ARHGAP12: variants seen among roughly 807,000 people sequenced by gnomAD.
ARHGAP12 encodes rho GTPase-activating protein 12.
A neutral mutation model predicts 108.6 loss-of-function variants in ARHGAP12; 64 were observed. The ratio of observed to expected loss-of-function variants is 0.59; its 90% CI spans 0.48 to 0.73. The LOEUF is 0.73. Among genes scored for constraint, ARHGAP12 ranks in the 30% least tolerant of loss-of-function variants. ARHGAP12 has a pLI of 0.00. For synonymous variants in ARHGAP12, 312 were observed against 337.2 expected, an observed-to-expected ratio of 0.93 and a Z score of 0.82; for missense variants, 940 against 1,005.9, an observed-to-expected ratio of 0.93 and a Z score of 0.89.
chr10:31,808,585 C>A (rs1834904725), intron 19 of ARHGAP12, 64 bp downstream of exon 19: 1 of 1,434,480 alleles, frequency 7.0e-7, no homozygotes. Flanking sequence ...GTGACCCTGG[C>A]CCCACAGGCC....
At chr10:31,810,831 A>T in intron 15 of ARHGAP12, 84 bp from the exon 16 acceptor site, 2 of 1,005,402 alleles carry the variant, frequency 2.0e-6, no homozygotes, top group South Asian at 2.7e-5. Flanking sequence ...GTGCAACAGA[A>T]ACATCCAGCG....
intron 1 of ARHGAP12, among the ~76,000 whole-genome samples, chr10:31,914,371 A>C (rs1839473037): frequency 6.6e-6 from 1 of 152,124 alleles, no homozygotes; most frequent in African/African-American, 2.4e-5. Context: ...ATCTAGCTTC[A>C]TTCCTCTGCA....
At chr10:31,879,321 A>C (rs1238128693) in intron 3 of ARHGAP12, among the ~76,000 whole-genome samples, 1 of 152,178 alleles carries the variant, frequency 6.6e-6, no homozygotes, top group Non-Finnish European at 1.5e-5. Flanking sequence ...CTGAGGCTGG[A>C]GGATTGCTTG....
At chr10:31,824,608 T>C (rs1835537601) in intron 11 of ARHGAP12, among the ~76,000 whole-genome samples, 1 of 152,164 alleles carries the variant, frequency 6.6e-6, no homozygotes, top group African/African-American at 2.4e-5. Context: ...TTTTAAAAAA[T>C]GTAACCATCC....
intron 3 of ARHGAP12, among the ~76,000 whole-genome samples, chr10:31,884,878 CCAT>C (rs367809426): frequency 1.3e-5 from 2 of 152,102 alleles, no homozygotes; most frequent in East Asian, 1.9e-4. Context: ...AAAAAACTCA[CCAT>C]GTCATTTCTT....
At chr10:31,833,686 G>A (rs1464772583) in intron 9 of ARHGAP12, among the ~76,000 whole-genome samples, 1 of 152,192 alleles carries the variant, frequency 6.6e-6, no homozygotes, top group Admixed American at 6.5e-5. Context: ...TACATGCTAT[G>A]AGAAAGCTAT....
intron 4 of ARHGAP12, among the ~76,000 whole-genome samples, chr10:31,855,022 G>A (rs1241032542): frequency 8.1e-6 from 1 of 123,208 alleles, no homozygotes; most frequent in African/African-American, 3.1e-5. Flanking sequence ...GAGGAGGATG[G>A]GGAGGAGGAG....
Position 31,839,633 on chromosome 10 carries a change from T to A in ARHGAP12, c.1371+4A>T. 1 of 1,598,014 alleles carries A rather than the reference T, an allele frequency of 6.3e-7. No homozygotes were observed. Among genetic ancestry groups the A allele is most frequent in the Non-Finnish European group, 8.6e-7 (1 of 1,168,262 alleles). On this transcript the variant is annotated splice_donor_region_variant and intron_variant, in intron 8 of 19. Coordinates refer to ENST00000344936, the MANE Select transcript of ARHGAP12 (RefSeq NM_018287.7). ...ATTATAAGATATGCTTCTATCATACTAACTGTATCTTGGTGCTTTGGTGAG... is the reference window on the plus strand; with the variant it reads ...ATTATAAGATATGCTTCTATCATACAAACTGTATCTTGGTGCTTTGGTGAG...
intron 3 of ARHGAP12, among the ~76,000 whole-genome samples, chr10:31,878,667 G>C (rs1305006478): frequency 6.6e-6 from 1 of 152,180 alleles, no homozygotes; most frequent in Non-Finnish European, 1.5e-5. Context: ...ATAAAGTTTT[G>C]TTGAAACAAA....
chr10:31,831,494 T>A (rs979186404), intron 10 of ARHGAP12, among the ~76,000 whole-genome samples: 2 of 151,748 alleles, frequency 1.3e-5, no homozygotes, highest in African/African-American at 4.8e-5. Flanking sequence ...AAAAAAAATA[T>A]TAAAGCAAAT....
rs1472309389 is a variant in ARHGAP12, at chr10:31,905,022, G to A, written c.684+3150C>T. Among the ~76,000 whole-genome samples, 8 of 152,158 alleles carry A rather than the reference G, an allele frequency of 5.3e-5. No individual in the cohort carries two copies. The South Asian group carries it at 6.2e-4, about 12-fold the overall frequency. On this transcript the variant is annotated intron_variant, in intron 3 of 19. Transcript: ENST00000344936. ...ACTGATCAGTAGTGATGTAAGTCAG[G>A]AAAATGAAAACCTCCTAAGACAGAC...
intron 6 of ARHGAP12, 152 bp downstream of exon 6, chr10:31,852,365 A>G: frequency 1.5e-6 from 1 of 655,718 alleles, no homozygotes; most frequent in Non-Finnish European, 2.7e-6. Context: ...TAGAAAACTT[A>G]CACTACTCAC....
At chr10:31,899,052 G>A (rs946590965) in intron 3 of ARHGAP12, among the ~76,000 whole-genome samples, 1 of 152,160 alleles carries the variant, frequency 6.6e-6, no homozygotes, top group Non-Finnish European at 1.5e-5. Flanking sequence ...ATTTAGTCAA[G>A]TGCAAGAAAG....
intron 9 of ARHGAP12, among the ~76,000 whole-genome samples, chr10:31,834,016 C>A (rs1231526189): frequency 2.6e-5 from 4 of 152,110 alleles, no homozygotes; most frequent in Non-Finnish European, 5.9e-5. Flanking sequence ...GTGGCAGTGA[C>A]AGAGAAAAGG....
rs543866694 is a variant in ARHGAP12 at position 31,814,314 on chromosome 10, T to G, written c.1779A>C (p.Pro593=). Residue 593 remains proline (P), a synonymous_variant, in exon 14 of 20, where the codon CCA becomes CCC. Coordinates refer to ENST00000344936, the MANE Select transcript of ARHGAP12 (RefSeq NM_018287.7). ...TTTCTTTATCATGCTTTTCTATTCC[T>G]GGTGAATCCGGTATCTCCTCTTCAA... The part of the protein sequence containing the change: ...EGIEEEIPDS[P]GIEKHDKEKE... The G allele has an allele frequency of 9.4e-5, 151 of 1,614,138 alleles. No homozygotes were observed. The East Asian group carries it at 3.3e-3, about 35-fold the overall frequency.
chr10:31,812,920 G>C (rs1835074864), intron 14 of ARHGAP12, 97 bp from the exon 15 acceptor site: 1 of 623,314 alleles, frequency 1.6e-6, no homozygotes, highest in Middle Eastern at 4.1e-4. Flanking sequence ...AACCTCATAT[G>C]TCAAGATCAT....
At chr10:31,827,291 C>G (rs1835652011) in intron 10 of ARHGAP12, among the ~76,000 whole-genome samples, 1 of 152,092 alleles carries the variant, frequency 6.6e-6, no homozygotes, top group Admixed American at 6.6e-5. Flanking sequence ...AAAAACAAAA[C>G]AGTTTTTATT....
chr10:31,845,770 G>A (rs543116198), intron 6 of ARHGAP12, among the ~76,000 whole-genome samples: 2 of 152,204 alleles, frequency 1.3e-5, no homozygotes, highest in African/African-American at 2.4e-5. Flanking sequence ...GGGCGACAGA[G>A]TGATAGTCTG....
Position 31,839,313 on chromosome 10 carries a change from T to C in ARHGAP12, c.1378A>G (p.Ser460Gly). The C allele has an allele frequency of 6.2e-7, 1 of 1,611,000 alleles. No individual in the cohort carries two copies. Among genetic ancestry groups the C allele is most frequent in the Non-Finnish European group, 8.5e-7 (1 of 1,177,972 alleles). ...SSPKHQDTAS[S>G]PKDQEKYGLL... ...AGAGGATTGCTTCTTACCTTTGGACTGCTGGCCTGAGGAAAAAAAGAGTAA... is the reference window on the plus strand; with the variant it reads ...AGAGGATTGCTTCTTACCTTTGGACCGCTGGCCTGAGGAAAAAAAGAGTAA... Residue 460 changes from serine to glycine, a missense_variant, in exon 9 of 20, where the codon AGT (serine) becomes GGT (glycine). Transcript: ENST00000344936.
Sources: gnomAD v4.1 joint callset for allele counts (sites outside exome capture counted in the v4.1 genomes callset) on GRCh38, gnomAD v4.1.1 for gene constraint, MANE v1.5 for transcripts, NCBI Gene and HGNC (gene_info 2026-07-23, HGNC 2026-07-21) for gene names.